The following SASH1 variants were observed in gnomAD, a reference collection of about 807,000 sequenced individuals.
The protein encoded by SASH1 is SAM and SH3 domain-containing protein 1.
A neutral mutation model predicts 125.2 loss-of-function variants in SASH1; 44 were observed. That is an observed-to-expected ratio of 0.35 (90% CI 0.28 to 0.45). The LOEUF is 0.45. Among genes scored for constraint, SASH1 ranks in the 20% least tolerant of loss-of-function variants. The pLI is 1.00. For missense variants in SASH1, 1,426 were observed against 1,614.5 expected (o/e 0.88, Z 2.00); for synonymous variants, 639 against 649.1 (o/e 0.98, Z 0.24).
chr6:148,287,462 C>A (rs1299746692), intron 1 of SASH1, among the ~76,000 whole-genome samples: 1 of 152,170 alleles, frequency 6.6e-6, no homozygotes, highest in African/African-American at 2.4e-5. Context: ...ACACCCCCTG[C>A]CACCATGGCC....
At chr6:148,268,650 A>G (rs566356910), upstream of SASH1, among the ~76,000 whole-genome samples, 1 of 152,328 alleles carries the variant, frequency 6.6e-6, no homozygotes, top group African/African-American at 2.4e-5. Context: ...CTGGGGTCAC[A>G]TTTACCTGCA....
chr6:148,389,996 A>G, intron 1 of SASH1, 138 bp from the exon 2 acceptor site: 1 of 997,474 alleles, frequency 1.0e-6, no homozygotes, highest in South Asian at 1.6e-5. Flanking sequence ...TCCTGCATGT[A>G]AAACAACCTG....
the SASH1 span, among the ~76,000 whole-genome samples, chr6:148,216,886 C>A: frequency 6.6e-6 from 1 of 151,994 alleles, no homozygotes. Context: ...GCTCACCATG[C>A]CCGGCTAATT....
chr6:148,333,820 A>C (rs1484237700), intron 1 of SASH1, among the ~76,000 whole-genome samples: 1 of 150,256 alleles, frequency 6.7e-6, no homozygotes, highest in East Asian at 2.0e-4. Context: ...GCGCCCAGCT[A>C]GATAAAATAT....
At chr6:148,389,959 C>T (rs1783631385) in intron 1 of SASH1, among the ~76,000 whole-genome samples, 175 bp from the exon 2 acceptor site, 1 of 152,204 alleles carries the variant, frequency 6.6e-6, no homozygotes, top group African/African-American at 2.4e-5. Context: ...AGGCCCCTGT[C>T]AGAGGGCTGT....
chr6:148,393,814 G>A (rs1016778820), intron 2 of SASH1: 11 of 681,582 alleles, frequency 1.6e-5, no homozygotes, highest in Non-Finnish European at 1.8e-5. Flanking sequence ...CAGGCTGGAA[G>A]CATGACTGTT....
chr6:148,307,107 T>A (rs1449451532), intron 1 of SASH1, among the ~76,000 whole-genome samples: 1 of 150,174 alleles, frequency 6.7e-6, no homozygotes, highest in Non-Finnish European at 1.5e-5. Context: ...TCTCTCTCTG[T>A]CTCTTTCTTT....
chr6:148,199,777 G>T, the SASH1 span, among the ~76,000 whole-genome samples: 1 of 148,742 alleles, frequency 6.7e-6, no homozygotes, highest in Non-Finnish European at 1.5e-5. Flanking sequence ...GAAAAAGAAA[G>T]GAAGGAAGGA....
At chr6:148,240,794 C>T in the SASH1 span, among the ~76,000 whole-genome samples, 2 of 152,190 alleles carry the variant, frequency 1.3e-5, no homozygotes, top group South Asian at 2.1e-4. Flanking sequence ...TTTGATCTGT[C>T]CTGGGCTAAT....
chr6:148,336,742 T>G (rs2114614928), intron 1 of SASH1, among the ~76,000 whole-genome samples: 1 of 152,324 alleles, frequency 6.6e-6, no homozygotes, highest in South Asian at 2.1e-4. Context: ...GAAAGTTTGT[T>G]GGCTACCTCT....
At chr6:148,521,533 T>G (rs1166885131) in intron 10 of SASH1, among the ~76,000 whole-genome samples, 1 of 152,252 alleles carries the variant, frequency 6.6e-6, no homozygotes, top group African/African-American at 2.4e-5. Flanking sequence ...TTTCCACATG[T>G]TGACTTTCCT....
At chr6:148,513,188 T>A in intron 8 of SASH1, 1 of 985,462 alleles carries the variant, frequency 1.0e-6, no homozygotes, top group African/African-American at 1.7e-5. Context: ...GTCTCTACAT[T>A]AGATTTGTAT....
intron 2 of SASH1, among the ~76,000 whole-genome samples, chr6:148,423,617 A>T (rs1285601312): frequency 6.6e-6 from 1 of 152,212 alleles, no homozygotes; most frequent in Non-Finnish European, 1.5e-5. Flanking sequence ...ATCAGTTCCG[A>T]CGTTATTTAT....
In SASH1 at chr6:148,349,868, C is replaced by T. The variant is rs565279822; in HGVS notation, c.156+6645C>T. Among the ~76,000 whole-genome samples, 4 of 146,366 alleles carry T rather than the reference C, an allele frequency of 2.7e-5. No homozygotes were observed. In the South Asian group the frequency reaches 6.5e-4, roughly 24 times the overall value. On this transcript the variant is annotated intron_variant, in intron 1 of 19. Coordinates refer to ENST00000367467, the MANE Select transcript of SASH1 (RefSeq NM_015278.5). ...TTTTTTTCTTTTTTTTTTTTTGAGA[C>T]GGAGTCTCGCTCTGTCGCCCAGGCT...
At chr6:148,221,169 T>C in the SASH1 span, among the ~76,000 whole-genome samples, 2 of 152,216 alleles carry the variant, frequency 1.3e-5, no homozygotes, top group Non-Finnish European at 2.9e-5. Context: ...GATCAATAAA[T>C]AGCAGCAAAA....
intron 16 of SASH1, among the ~76,000 whole-genome samples, chr6:148,539,760 A>T (rs1206005488): frequency 6.6e-6 from 1 of 152,204 alleles, no homozygotes; most frequent in Non-Finnish European, 1.5e-5. Context: ...AGAAGCAGAA[A>T]AGAAAAAACA....
chr6:148,427,720 C>T (rs757208980), intron 2 of SASH1, among the ~76,000 whole-genome samples: 2 of 152,216 alleles, frequency 1.3e-5, no homozygotes, highest in Non-Finnish European at 2.9e-5. Context: ...ACCAATTCAA[C>T]TCTGATGTAT....
chr6:148,519,610 G>A lies in SASH1; in HGVS notation c.926G>A (p.Gly309Asp), dbSNP rs749289231. 2 of 1,613,990 alleles carry A rather than the reference G, an allele frequency of 1.2e-6. No individual in the cohort carries two copies. The highest frequency in any genetic ancestry group is 2.7e-5 in the African/African-American group (2 of 74,898). Reference protein sequence around the residue: ...VLDERSALYSGVHKKPLFFDG... With the variant: ...VLDERSALYSDVHKKPLFFDG... ...GATGAACGGTCCGCCCTCTACTCTG[G>A]CGTGCACAAGAAGCCCCTTTTCTTT... Residue 309 changes from glycine (G) to aspartate (D), a missense_variant, in exon 10 of 20, where the codon GGC (glycine) becomes GAC (aspartate). By Grantham distance (94) the Gly-to-Asp change is moderately conservative. This residue lies in a region of SASH1 where 567 missense variants were observed against 575.6 expected (regional missense o/e 0.99). Coordinates refer to ENST00000367467, the MANE Select transcript of SASH1 (RefSeq NM_015278.5). The surrounding 1 kb of genome is among the most constrained non-coding windows in gnomAD (Gnocchi z 4.8).
chr6:148,361,936 C>T (rs1782232217), intron 1 of SASH1, among the ~76,000 whole-genome samples: 2 of 130,546 alleles, frequency 1.5e-5, no homozygotes, highest in Non-Finnish European at 1.6e-5. Context: ...TTTTTTGAGA[C>T]AGAGTCTCAC....
Sources: gnomAD v4.1 joint callset for allele counts (sites outside exome capture counted in the v4.1 genomes callset) on GRCh38, gnomAD v4.1.1 for gene constraint, gnomAD v4.1.1 regional missense constraint, Gnocchi (gnomAD v3.1) non-coding constraint, MANE v1.5 for transcripts, NCBI Gene and HGNC (gene_info 2026-07-23, HGNC 2026-07-21) for gene names.